Variants in RELN observed in about 807,000 individuals in gnomAD.
RELN encodes the protein reelin.
A neutral mutation model predicts 427.6 loss-of-function variants in RELN; 108 were observed. The ratio of observed to expected loss-of-function variants is 0.25; its 90% CI spans 0.22 to 0.30. The LOEUF (loss-of-function observed/expected upper bound fraction) is 0.30, where lower values mean the gene tolerates loss of function less well. RELN is among the 10% of genes least tolerant of loss of function. The probability of loss-of-function intolerance (pLI) is 1.00; values close to 1 mark genes in which losing one functional copy is unlikely to be tolerated. For synonymous variants in RELN, 1,524 were observed against 1,513.4 expected (o/e 1.01, Z -0.16); for missense variants, 3,715 against 4,302.8 (o/e 0.86, Z 3.82).
intron 1 of RELN, among the ~76,000 whole-genome samples, chr7:103,937,045 C>T (rs2116724946): frequency 6.6e-6 from 1 of 152,172 alleles, no homozygotes; most frequent in East Asian, 1.9e-4. Context: ...ATATCTTTTT[C>T]ATCTTTATTT....
intron 2 of RELN, among the ~76,000 whole-genome samples, chr7:103,866,019 A>G (rs7800597): frequency 0.14 from 21,881 of 152,142 alleles, 1,866 homozygotes; most frequent in East Asian, 0.34. Context: ...AGTTCAGTTT[A>G]TCTGCAAAAT....
At chr7:103,888,560 T>C (rs1794775336) in intron 2 of RELN, among the ~76,000 whole-genome samples, 1 of 152,200 alleles carries the variant, frequency 6.6e-6, no homozygotes, top group African/African-American at 2.4e-5. Context: ...CTAAGGACCA[T>C]TTATTTAGCA....
At chr7:103,635,616 T>C in intron 18 of RELN, 30 bp from the exon 19 acceptor site, 1 of 1,578,426 alleles carries the variant, frequency 6.3e-7, no homozygotes, top group South Asian at 1.1e-5. Context: ...AATTAGTGTA[T>C]GCATAAACAT....
chr7:103,743,181 G>T (rs1790716180), intron 6 of RELN, among the ~76,000 whole-genome samples: 1 of 151,982 alleles, frequency 6.6e-6, no homozygotes. Context: ...AAGTGAAGGA[G>T]AAATAAAATA....
intron 41 of RELN, among the ~76,000 whole-genome samples, chr7:103,547,495 T>C (rs1477626955): frequency 2.0e-5 from 3 of 152,110 alleles, no homozygotes; most frequent in Non-Finnish European, 4.4e-5. Context: ...TAGGGTTTCA[T>C]CATGTTGGCC....
At chr7:103,837,637 C>A (rs559338896) in intron 2 of RELN, among the ~76,000 whole-genome samples, 2 of 152,260 alleles carry the variant, frequency 1.3e-5, no homozygotes, top group East Asian at 3.9e-4. Flanking sequence ...CAGACATGGC[C>A]CAGTCCTCAA....
At position 103,553,008 on chromosome 7, in the gene RELN, TAC is replaced by T. The variant is rs577051926; in HGVS notation, c.6072+451_6072+452del. ...AAGGAGTGCATAAATATTAATAAAA[TAC>T]ACAAATACATTTGAAATTATAAAAC... is the stretch of plus-strand genomic sequence containing the variant. On this transcript the variant is annotated intron_variant, in intron 40 of 64. Transcript: ENST00000428762. 2.2e-3 allele frequency among the ~76,000 whole-genome samples: 336 copies of T among 152,192 alleles called. 1 individual carries two copies. Among genetic ancestry groups the T allele is most frequent in the African/African-American group, 7.8e-3 (326 of 41,558 alleles).
At chr7:103,921,236 T>A (rs2116683135) in intron 1 of RELN, among the ~76,000 whole-genome samples, 1 of 152,298 alleles carries the variant, frequency 6.6e-6, no homozygotes, top group African/African-American at 2.4e-5. Context: ...ATCACCACTA[T>A]GGGATAACAC....
chr7:103,979,726 T>C (rs536360647), intron 1 of RELN, among the ~76,000 whole-genome samples: 177 of 152,312 alleles, frequency 1.2e-3, no homozygotes, highest in African/African-American at 4.1e-3. Flanking sequence ...TTACTGGAAT[T>C]TCCTAAAGAG....
intron 60 of RELN, among the ~76,000 whole-genome samples, 195 bp downstream of exon 60, chr7:103,489,547 G>A (rs1828577781): frequency 6.6e-6 from 1 of 152,106 alleles, no homozygotes; most frequent in Non-Finnish European, 1.5e-5. Flanking sequence ...TTTAAAAAAT[G>A]CCTTCAGGAA....
At chr7:103,765,273 G>A (rs1271578787) in intron 4 of RELN, among the ~76,000 whole-genome samples, 1 of 152,116 alleles carries the variant, frequency 6.6e-6, no homozygotes, top group Non-Finnish European at 1.5e-5. Flanking sequence ...GAGATGAGAG[G>A]AACACCATTC....
intron 20 of RELN, among the ~76,000 whole-genome samples, chr7:103,617,680 T>C (rs915835460): frequency 1.3e-5 from 2 of 151,876 alleles, no homozygotes; most frequent in Admixed American, 1.3e-4. Flanking sequence ...GGTACAATCT[T>C]TATCTACTAA....
chr7:103,489,231 C>T (rs567077793), intron 60 of RELN, among the ~76,000 whole-genome samples: 4,201 of 113,598 alleles, frequency 0.037, 70 homozygotes, highest in African/African-American at 0.086. Context: ...TGTGTGTGTC[C>T]GTGTCACAGT....
chr7:103,906,207 T>C (rs1167452662), intron 2 of RELN, among the ~76,000 whole-genome samples: 1 of 152,090 alleles, frequency 6.6e-6, no homozygotes, highest in Non-Finnish European at 1.5e-5. Context: ...CAAGTCAAGC[T>C]GGCTTGGGCT....
intron 1 of RELN, among the ~76,000 whole-genome samples, chr7:103,961,376 A>T (rs1297200275): frequency 7.2e-5 from 11 of 151,814 alleles, no homozygotes; most frequent in Admixed American, 7.2e-4. Context: ...CAGAAATCAA[A>T]AGACTGATGA....
At chr7:103,638,598 C>T (rs1832632413) in intron 17 of RELN, among the ~76,000 whole-genome samples, 1 of 152,120 alleles carries the variant, frequency 6.6e-6, no homozygotes, top group Admixed American at 6.5e-5. Flanking sequence ...GTACACATTG[C>T]TGGAAAAGGA....
chr7:103,925,529 T>C (rs1795713383), intron 1 of RELN, among the ~76,000 whole-genome samples: 1 of 152,150 alleles, frequency 6.6e-6, no homozygotes, highest in African/African-American at 2.4e-5. Flanking sequence ...ATAATACTCA[T>C]CCATGAAAAT....
intron 3 of RELN, among the ~76,000 whole-genome samples, chr7:103,805,515 AAAC>A: frequency 6.6e-6 from 1 of 152,270 alleles, no homozygotes; most frequent in African/African-American, 2.4e-5. Flanking sequence ...TAAATACTTA[AAAC>A]AACATGCCAA....
At chr7:103,835,982 G>A in intron 2 of RELN, among the ~76,000 whole-genome samples, 1 of 143,568 alleles carries the variant, frequency 7.0e-6, no homozygotes. Flanking sequence ...TATAGGCGGA[G>A]TCTCACTCCG....
Sources: gnomAD v4.1 joint callset for allele counts (sites outside exome capture counted in the v4.1 genomes callset) on GRCh38, gnomAD v4.1.1 for gene constraint, MANE v1.5 for transcripts, NCBI Gene and HGNC (gene_info 2026-07-23, HGNC 2026-07-21) for gene names.